Variants in DNAH3 observed in about 807,000 individuals in gnomAD.
DNAH3 encodes the protein dynein axonemal heavy chain 3, also known as axonemal beta dynein heavy chain 3.
DNAH3 carries 332 observed loss-of-function variants against 432.5 expected under a neutral mutation model. That is an observed-to-expected ratio of 0.77 (90% CI 0.70 to 0.84). The LOEUF (loss-of-function observed/expected upper bound fraction) is 0.84. DNAH3 is among the 40% of genes least tolerant of loss of function. The pLI is 0.00. For synonymous variants in DNAH3, 1,956 were observed against 1,900.2 expected, an observed-to-expected ratio of 1.03 and a Z score of -0.76; for missense variants, 4,861 against 5,114.0, an observed-to-expected ratio of 0.95 and a Z score of 1.51.
intron 29 of DNAH3, among the ~76,000 whole-genome samples, chr16:21,050,423 C>T (rs1193076535): frequency 6.6e-6 from 1 of 152,108 alleles, no homozygotes; most frequent in Non-Finnish European, 1.5e-5. Context: ...AAATATATTT[C>T]TCCAACTAGA....
At chr16:20,965,971 C>G (rs1374031192) in intron 52 of DNAH3, among the ~76,000 whole-genome samples, 1 of 149,078 alleles carries the variant, frequency 6.7e-6, no homozygotes, top group Non-Finnish European at 1.5e-5. Flanking sequence ...CCTCGGCCTC[C>G]CAAATTGCTA....
chr16:21,098,427 A>G (rs1312466170), intron 17 of DNAH3, among the ~76,000 whole-genome samples, 189 bp downstream of exon 17: 1 of 144,462 alleles, frequency 6.9e-6, no homozygotes, highest in African/African-American at 2.6e-5. Flanking sequence ...CAACAGAGTG[A>G]GACCTTGTCT....
rs754475444 is a variant in DNAH3 at position 21,111,717 on chromosome 16, C to A, written c.2008G>T (p.Ala670Ser). 8 of 1,613,982 alleles carry A rather than the reference C, an allele frequency of 5.0e-6. No homozygotes were observed. The highest frequency in any genetic ancestry group is 3.3e-5 in the Admixed American group (2 of 60,000). The change falls in exon 14 of 62, where the codon GCC (alanine) becomes TCC (serine). Residue 670 changes from alanine (A) to serine (S), a missense_variant. Coordinates refer to ENST00000261383, the Ensembl canonical transcript of DNAH3. ...CGCTCACAGAGATCATGATTTAGGG[C>A]CGTAGCATCAAGGCAGAACATGGCT...
chr16:20,950,206 T>C (rs946930682), intron 56 of DNAH3, among the ~76,000 whole-genome samples: 8 of 152,316 alleles, frequency 5.3e-5, no homozygotes, highest in African/African-American at 1.9e-4. Flanking sequence ...GTATGCGTAC[T>C]GTGTGTGTCA....
At chr16:20,968,845 G>A (rs1352580888) in intron 52 of DNAH3, among the ~76,000 whole-genome samples, 2 of 148,206 alleles carry the variant, frequency 1.3e-5, no homozygotes, top group African/African-American at 2.5e-5. Context: ...CCCTGTCTCT[G>A]TCTCTCTTCT....
At chr16:20,972,576 C>T (rs1597010392) in intron 51 of DNAH3, among the ~76,000 whole-genome samples, 1 of 151,888 alleles carries the variant, frequency 6.6e-6, no homozygotes, top group East Asian at 1.9e-4. Context: ...CGTGTCTATT[C>T]TACCAGGACT....
At chr16:20,954,699 G>A (rs938608824) in intron 55 of DNAH3, 114 bp downstream of exon 55, 51 of 1,174,666 alleles carry the variant, frequency 4.3e-5, no homozygotes, top group African/African-American at 1.5e-4. Context: ...TATTTATACC[G>A]TATCTTACTG....
At chr16:20,990,797 A>C (rs943995317) in intron 44 of DNAH3, among the ~76,000 whole-genome samples, 2 of 152,134 alleles carry the variant, frequency 1.3e-5, no homozygotes, top group Non-Finnish European at 2.9e-5. Context: ...CGAGGCGTGC[A>C]GATCACGAGG....
intron 42 of DNAH3, among the ~76,000 whole-genome samples, chr16:21,001,424 C>A (rs1314671348): frequency 6.6e-6 from 1 of 152,122 alleles, no homozygotes. Context: ...CAGAGAGTAC[C>A]ATTCACACCA....
At chr16:20,939,050 G>A (rs1426450820) in intron 59 of DNAH3, among the ~76,000 whole-genome samples, 1 of 152,126 alleles carries the variant, frequency 6.6e-6, no homozygotes, top group Non-Finnish European at 1.5e-5. Flanking sequence ...TGGGTGGAGT[G>A]AGCCACGGCA....
At chr16:20,951,566 CCT>C (rs1179326478) in intron 56 of DNAH3, among the ~76,000 whole-genome samples, 9 of 151,636 alleles carry the variant, frequency 5.9e-5, no homozygotes, top group Admixed American at 4.0e-4. Flanking sequence ...ACCTTAGTCC[CCT>C]GAGTAGCTAG....
intron 21 of DNAH3, among the ~76,000 whole-genome samples, chr16:21,074,492 T>A (rs2090906143): frequency 6.6e-6 from 1 of 152,078 alleles, no homozygotes; most frequent in Non-Finnish European, 1.5e-5. Flanking sequence ...GGTGGGCAGA[T>A]CACTTGAGGT....
intron 11 of DNAH3, among the ~76,000 whole-genome samples, chr16:21,119,093 A>G (rs1381316534): frequency 6.6e-6 from 1 of 152,220 alleles, no homozygotes; most frequent in African/African-American, 2.4e-5. Context: ...CTGCAGCCAT[A>G]CTACAGACAG....
chr16:21,050,041 TC>T (rs1415984970), intron 29 of DNAH3, 23 bp from the exon 30 acceptor site: 24 of 1,549,356 alleles, frequency 1.5e-5, no homozygotes, highest in Non-Finnish European at 2.0e-5. Flanking sequence ...AAATAGAACT[TC>T]AGTGCTTGAG....
intron 54 of DNAH3, 24 bp downstream of exon 54, chr16:20,959,155 G>C (rs757652828): frequency 6.2e-7 from 1 of 1,609,406 alleles, no homozygotes; most frequent in Admixed American, 1.7e-5. Context: ...TCCCAGAGAA[G>C]GCAGTGGTGG....
intron 18 of DNAH3, 29 bp downstream of exon 18, chr16:21,097,326 T>C: frequency 6.2e-7 from 1 of 1,612,384 alleles, no homozygotes; most frequent in African/African-American, 1.3e-5. Flanking sequence ...CATCCCCATC[T>C]GTCCCAGCAG....
At chr16:21,124,165 C>CTT (rs1216007658) in intron 9 of DNAH3, among the ~76,000 whole-genome samples, 2 of 152,132 alleles carry the variant, frequency 1.3e-5, no homozygotes, top group East Asian at 3.9e-4. Flanking sequence ...TCAACAAAGC[C>CTT]TTTTGTCTTT....
At chr16:21,115,281 T>C (rs899262477) in intron 12 of DNAH3, among the ~76,000 whole-genome samples, 1 of 151,166 alleles carries the variant, frequency 6.6e-6, no homozygotes, top group Non-Finnish European at 1.5e-5. Flanking sequence ...TTAGGAGATA[T>C]ACCTAATGTA....
At chr16:21,012,476 A>G (rs188960126) in intron 41 of DNAH3, among the ~76,000 whole-genome samples, 1 of 152,350 alleles carries the variant, frequency 6.6e-6, no homozygotes, top group East Asian at 1.9e-4. Context: ...TTCAAATGTA[A>G]ACAGAATGCC....
Sources: gnomAD v4.1 joint callset for allele counts (sites outside exome capture counted in the v4.1 genomes callset) on GRCh38, gnomAD v4.1.1 for gene constraint, MANE v1.5 for transcripts, NCBI Gene and HGNC (gene_info 2026-07-23, HGNC 2026-07-21) for gene names.